The following PCGF3 variants were observed in gnomAD, a reference collection of about 807,000 sequenced individuals.
The protein encoded by PCGF3 is polycomb group ring finger 3.
In PCGF3, 7 loss-of-function variants were observed where a neutral mutation model predicts 33.1. That is an observed-to-expected ratio of 0.21 (90% CI 0.12 to 0.40). The LOEUF is 0.40. Among genes scored for constraint, PCGF3 ranks in the 10% least tolerant of loss-of-function variants. The pLI, the probability that PCGF3 is intolerant of heterozygous loss-of-function variation, is 1.00. For synonymous variants in PCGF3, 153 were observed against 121.3 expected, an observed-to-expected ratio of 1.26 and a Z score of -1.72; for missense variants, 211 against 313.3, an observed-to-expected ratio of 0.67 and a Z score of 2.46.
At position 735,098 on chromosome 4, in the gene PCGF3, C is replaced by T. The variant is rs1215723956; in HGVS notation, c.206+71C>T. On this transcript the variant is annotated intron_variant, in intron 5 of 10. Transcript: ENST00000362003. ...CTGGGCGTCTCTGTGTGTGGGCCTTCCCAGGCCATTAGCGCTGTACTCCCA... is the reference window on the plus strand; with the variant it reads ...CTGGGCGTCTCTGTGTGTGGGCCTTTCCAGGCCATTAGCGCTGTACTCCCA... 43 of 1,511,022 alleles carry T rather than the reference C, an allele frequency of 2.8e-5. No individual in the cohort carries two copies. In the South Asian group the frequency reaches 4.8e-4, roughly 17 times the overall value. 93.6% of individuals were successfully genotyped at this position (1,511,022 alleles called of 1,614,324 possible). A position where few individuals can be genotyped will look rare whatever the true frequency, so the allele number is the denominator to read the frequency against.
chr4:761,906 C>A, intron 9 of PCGF3: 1 of 985,412 alleles, frequency 1.0e-6, no homozygotes, highest in Non-Finnish European at 1.2e-6. Flanking sequence ...CAGCAGGGTC[C>A]AGCTTTGCAT....
chr4:743,591 G>T lies in PCGF3; in HGVS notation c.373+7G>T. 1 of 1,510,554 alleles carries T rather than the reference G, an allele frequency of 6.6e-7. No individual in the cohort carries two copies. Among genetic ancestry groups the T allele is most frequent in the Non-Finnish European group, 9.2e-7 (1 of 1,085,932 alleles). The allele number at this position is 1,510,554 out of a possible 1,614,324, so 93.6% of individuals were successfully genotyped here. On this transcript the variant is annotated splice_region_variant and intron_variant, in intron 7 of 10. Transcript: ENST00000362003. ...TTAGATTCCCATCGGAATGGTGAGT[G>T]CCCTGCGTGCCCATCCAGAAGCCCC...
intron 3 of PCGF3, among the ~76,000 whole-genome samples, chr4:731,712 C>T (rs542014085): frequency 6.5e-5 from 1 of 15,362 alleles, no homozygotes. Context: ...CCCCTCCCCT[C>T]GTGGGTGGGC....
intron 9 of PCGF3, 62 bp from the exon 10 acceptor site, chr4:764,922 G>A (rs1409785453): frequency 1.8e-6 from 2 of 1,097,020 alleles, no homozygotes; most frequent in Non-Finnish European, 2.8e-6. Context: ...CAGCATCAAG[G>A]TGGCCATGTC....
intron 1 of PCGF3, among the ~76,000 whole-genome samples, chr4:724,257 T>C (rs1375505621): frequency 6.6e-6 from 1 of 152,146 alleles, no homozygotes; most frequent in East Asian, 1.9e-4. Context: ...ACAAGGAGGC[T>C]CAGGGGCTAC....
chr4:765,717 G>GC (rs1408685048), intron 10 of PCGF3, among the ~76,000 whole-genome samples: 1 of 152,168 alleles, frequency 6.6e-6, no homozygotes, highest in Non-Finnish European at 1.5e-5. Context: ...CTGGGGCTGG[G>GC]CCAGAGGGTT....
At chr4:711,983 A>G (rs569487905) in intron 1 of PCGF3, among the ~76,000 whole-genome samples, 2 of 152,218 alleles carry the variant, frequency 1.3e-5, no homozygotes, top group Non-Finnish European at 2.9e-5. Context: ...AAAAAAAGAA[A>G]AGAAAATGTA....
intron 9 of PCGF3, among the ~76,000 whole-genome samples, chr4:764,051 G>C (rs1226292186): frequency 6.6e-6 from 1 of 152,180 alleles, no homozygotes; most frequent in East Asian, 1.9e-4. Context: ...GAGGGTAGTA[G>C]GAGTGGGCGG....
At chr4:748,617 C>T (rs983522003) in intron 8 of PCGF3, among the ~76,000 whole-genome samples, 12 of 152,304 alleles carry the variant, frequency 7.9e-5, no homozygotes, top group Non-Finnish European at 1.6e-4. Context: ...TAGAGAAGAG[C>T]GGCCAGTTCA....
At chr4:755,134 T>C (rs1404284230) in intron 8 of PCGF3, among the ~76,000 whole-genome samples, 1 of 152,240 alleles carries the variant, frequency 6.6e-6, no homozygotes, top group East Asian at 1.9e-4. Flanking sequence ...CCGCGTGGTG[T>C]CGCAGAGCAC....
At chr4:736,318 G>T (rs1284177708) in intron 5 of PCGF3, among the ~76,000 whole-genome samples, 1 of 152,158 alleles carries the variant, frequency 6.6e-6, no homozygotes, top group East Asian at 1.9e-4. Context: ...CAAATGCTAG[G>T]ATTACAGGTG....
rs564515681 is a variant in PCGF3 at position 753,396 on chromosome 4, C to G, written c.463-7883C>G. 4.6e-5 allele frequency among the ~76,000 whole-genome samples: 7 copies of G among 151,560 alleles called. No individual in the cohort carries two copies. The South Asian group carries it at 1.0e-3, about 23-fold the overall frequency. ...TTGGCCGGGTGCGGTGGCTCACGCC[C>G]GTAATCCCAGCATATTGGGAGGCCG... On this transcript the variant is annotated intron_variant, in intron 8 of 10. Transcript: ENST00000362003.
rs1298282536 is a variant in PCGF3, at chr4:721,970, G to GT, written c.-189-8659dup. Among the ~76,000 whole-genome samples, 32 of 151,972 alleles carry GT rather than the reference G, an allele frequency of 2.1e-4. No individual in the cohort carries two copies. Among genetic ancestry groups the GT allele is most frequent in the African/African-American group, 7.0e-4 (29 of 41,344 alleles). ...GGGTGTGGGGAGAGGCCTGTGGGAG[G>GT]TGGATGGGTTGGGTGGCTCTGTGTG... On this transcript the variant is annotated intron_variant, in intron 1 of 10. Coordinates refer to ENST00000362003, the Ensembl canonical transcript of PCGF3. The surrounding 1 kb of genome is among the most constrained non-coding windows in gnomAD (Gnocchi z 4.1).
chr4:767,547 ATTT>A (rs937494398), exon 11 of PCGF3: 6 of 151,956 alleles, frequency 3.9e-5, no homozygotes, highest in Non-Finnish European at 2.9e-5. Context: ...CACCTTGGAG[ATTT>A]TTTTTCTTGA....
intron 8 of PCGF3, among the ~76,000 whole-genome samples, chr4:756,507 C>T (rs1744775670): frequency 6.6e-6 from 1 of 152,218 alleles, no homozygotes; most frequent in South Asian, 2.1e-4. Flanking sequence ...GCCACTGCAC[C>T]CGGCTCTTTT....
intron 7 of PCGF3, among the ~76,000 whole-genome samples, chr4:744,170 A>T (rs1407932413): frequency 6.6e-6 from 1 of 152,214 alleles, no homozygotes; most frequent in East Asian, 1.9e-4. Context: ...CTGGGAACCA[A>T]GCAGTCCTGT....
intron 8 of PCGF3, among the ~76,000 whole-genome samples, chr4:759,937 C>T (rs1347094014): frequency 3.3e-5 from 5 of 150,256 alleles, no homozygotes; most frequent in African/African-American, 7.3e-5. Context: ...TTCCGGACTC[C>T]GGGTCTTTCT....
At chr4:749,859 C>T (rs1487367043) in intron 8 of PCGF3, among the ~76,000 whole-genome samples, 1 of 152,122 alleles carries the variant, frequency 6.6e-6, no homozygotes, top group African/African-American at 2.4e-5. Context: ...GCTCTCTCAC[C>T]CAACCTGGAG....
intron 1 of PCGF3, among the ~76,000 whole-genome samples, chr4:717,059 C>G (rs1742886651): frequency 7.3e-6 from 1 of 137,012 alleles, no homozygotes; most frequent in African/African-American, 2.8e-5. Flanking sequence ...GGCGTCGGTG[C>G]TGGGACCCTG....
Sources: gnomAD v4.1 joint callset for allele counts (sites outside exome capture counted in the v4.1 genomes callset) on GRCh38, gnomAD v4.1.1 for gene constraint, Gnocchi (gnomAD v3.1) non-coding constraint, MANE v1.5 for transcripts, NCBI Gene and HGNC (gene_info 2026-07-23, HGNC 2026-07-21) for gene names.